Variants in EHBP1 observed in about 807,000 individuals in gnomAD.
EHBP1 encodes EH domain-binding protein 1.
EHBP1 carries 55 observed loss-of-function variants against 144.0 expected under a neutral mutation model. The ratio of observed to expected loss-of-function variants is 0.38; its 90% CI spans 0.31 to 0.48. The LOEUF (loss-of-function observed/expected upper bound fraction) is 0.48. Among genes scored for constraint, EHBP1 ranks in the 20% least tolerant of loss-of-function variants. EHBP1 has a pLI of 0.98. For synonymous variants in EHBP1, 469 were observed against 472.7 expected, an observed-to-expected ratio of 0.99 and a Z score of 0.10; for missense variants, 1,200 against 1,364.2, an observed-to-expected ratio of 0.88 and a Z score of 1.90.
rs71410972 is a variant in EHBP1 at position 62,894,927 on chromosome 2, A to AGAGAGAGAG, written c.1185+20395_1185+20396insGAGAGAGAG. 6.6e-3 allele frequency among the ~76,000 whole-genome samples: 935 copies of AGAGAGAGAG among 141,194 alleles called. 12 individuals carry two copies. The highest frequency in any genetic ancestry group is 0.012 in the Admixed American group (167 of 14,038). 92.6% of individuals were successfully genotyped at this position (141,194 alleles called of 152,430 possible). A position where few individuals can be genotyped will look rare whatever the true frequency, so the allele number is the denominator to read the frequency against. ...CAAGACCCTAGCAAAAACAGAAAGA[A>AGAGAGAGAG]AGAGAGAGAGAGAGAGAGAGAGAGA... is the stretch of plus-strand genomic sequence containing the variant. On this transcript the variant is annotated intron_variant, in intron 10 of 22. Coordinates refer to ENST00000431489, the MANE Select transcript of EHBP1 (RefSeq NM_001142616.3).
At chr2:62,735,076 G>A (rs1036380377) in intron 2 of EHBP1, among the ~76,000 whole-genome samples, 1 of 152,118 alleles carries the variant, frequency 6.6e-6, no homozygotes, top group Non-Finnish European at 1.5e-5. Context: ...TAAATTATTT[G>A]TAGAGACGAG....
At chr2:62,989,126 A>C (rs752515404) in intron 15 of EHBP1, among the ~76,000 whole-genome samples, 8 of 152,132 alleles carry the variant, frequency 5.3e-5, no homozygotes, top group Non-Finnish European at 1.2e-4. Flanking sequence ...AAAACTTTTA[A>C]ATGTTTAACC....
At chr2:62,844,933 G>A (rs961487815) in intron 7 of EHBP1, among the ~76,000 whole-genome samples, 12 of 152,058 alleles carry the variant, frequency 7.9e-5, no homozygotes, top group African/African-American at 2.9e-4. Context: ...TGCCAGCAGG[G>A]TATTCCTTTT....
intron 3 of EHBP1, among the ~76,000 whole-genome samples, chr2:62,750,044 A>G (rs1481680077): frequency 2.0e-5 from 3 of 152,224 alleles, no homozygotes; most frequent in Non-Finnish European, 4.4e-5. Flanking sequence ...TGTTTTAGAC[A>G]TGAAGTCCTT....
At chr2:63,008,108 C>A (rs1015156898) in intron 19 of EHBP1, among the ~76,000 whole-genome samples, 5 of 151,496 alleles carry the variant, frequency 3.3e-5, no homozygotes, top group African/African-American at 1.2e-4. Context: ...GCCACATCTA[C>A]AAAGTTTTAC....
intron 2 of EHBP1, among the ~76,000 whole-genome samples, chr2:62,725,073 A>C (rs2036622811): frequency 6.6e-6 from 1 of 152,180 alleles, no homozygotes; most frequent in African/African-American, 2.4e-5. Context: ...CTCAGCTCCC[A>C]ACTCCTGGAC....
At chr2:62,854,774 A>G (rs2048917695) in intron 7 of EHBP1, among the ~76,000 whole-genome samples, 1 of 152,164 alleles carries the variant, frequency 6.6e-6, no homozygotes. Flanking sequence ...GGCCGTCTGG[A>G]GTGGTGGCTG....
chr2:62,690,162 A>C (rs1417587412), intron 1 of EHBP1, among the ~76,000 whole-genome samples: 1 of 152,212 alleles, frequency 6.6e-6, no homozygotes, highest in Non-Finnish European at 1.5e-5. Context: ...GCAGCATAGC[A>C]CTTAGCAGAC....
intron 14 of EHBP1, among the ~76,000 whole-genome samples, chr2:62,957,649 T>TTTTTTTTTTTTTTC (rs2057773708): frequency 7.8e-6 from 1 of 128,022 alleles, no homozygotes; most frequent in African/African-American, 3.1e-5. Context: ...TGCTTTTTTT[T>TTTTTTTTTTTTTTC]TTTTTTTTTT....
At chr2:62,915,444 A>G (rs2054534141) in intron 10 of EHBP1, among the ~76,000 whole-genome samples, 1 of 152,120 alleles carries the variant, frequency 6.6e-6, no homozygotes, top group Non-Finnish European at 1.5e-5. Context: ...ATCCCATTTT[A>G]TATGGATTTT....
At chr2:62,753,477 GTC>G (rs1268739934) in intron 3 of EHBP1, among the ~76,000 whole-genome samples, 2 of 152,000 alleles carry the variant, frequency 1.3e-5, no homozygotes, top group Non-Finnish European at 2.9e-5. Context: ...ACAATTATAT[GTC>G]TTGGAGTTGC....
Position 62,949,119 on chromosome 2 carries a change from G to A in EHBP1, c.2273G>A (p.Arg758Lys), listed in dbSNP as rs370506762. 8.2e-6 allele frequency: 13 copies of A among 1,582,614 alleles called. No homozygotes were observed. In the African/African-American group the frequency reaches 1.8e-4, roughly 22 times the overall value. ...ACGGAGTCTGATCCAGATGCTGATA[G>A]AACCACTTTAAATCATGCAGATCAT... Reference protein sequence around the residue: ...RQTESDPDADRTTLNHADHSS... With the variant: ...RQTESDPDADKTTLNHADHSS... Residue 758 changes from arginine (R) to lysine (K), a missense_variant, in exon 13 of 23, where the codon AGA becomes AAA. Coordinates refer to ENST00000431489, the MANE Select transcript of EHBP1 (RefSeq NM_001142616.3).
chr2:62,847,962 G>T (rs2048409546), intron 7 of EHBP1, among the ~76,000 whole-genome samples: 1 of 151,726 alleles, frequency 6.6e-6, no homozygotes, highest in Non-Finnish European at 1.5e-5. Context: ...ATATCTACTA[G>T]AATGGTTAAA....
intron 19 of EHBP1, among the ~76,000 whole-genome samples, chr2:63,012,350 C>T (rs1004394434): frequency 1.3e-5 from 2 of 152,044 alleles, no homozygotes; most frequent in Non-Finnish European, 1.5e-5. Flanking sequence ...ATCTCACTCA[C>T]TGCTCTTTAG....
intron 10 of EHBP1, among the ~76,000 whole-genome samples, chr2:62,916,774 A>C (rs2054649741): frequency 6.7e-6 from 1 of 149,354 alleles, no homozygotes; most frequent in African/African-American, 2.4e-5. Context: ...TGTGTATGTT[A>C]TTGTATATAT....
intron 5 of EHBP1, among the ~76,000 whole-genome samples, chr2:62,818,096 C>T (rs76871788): frequency 6.6e-6 from 1 of 151,434 alleles, no homozygotes. Context: ...ATTAAAAAAA[C>T]TTTTTAAATG....
intron 1 of EHBP1, among the ~76,000 whole-genome samples, chr2:62,678,087 A>G (rs2033374788): frequency 6.6e-6 from 1 of 152,162 alleles, no homozygotes; most frequent in Admixed American, 6.5e-5. Context: ...GTACTCATTT[A>G]TGTTCCCACC....
chr2:62,808,753 G>A (rs1227350974), intron 5 of EHBP1, among the ~76,000 whole-genome samples: 2 of 152,046 alleles, frequency 1.3e-5, no homozygotes, highest in African/African-American at 2.4e-5. Flanking sequence ...GTAATGTGAT[G>A]GTAAGGTGTG....
intron 1 of EHBP1, among the ~76,000 whole-genome samples, chr2:62,675,923 T>G (rs1423879225): frequency 6.6e-6 from 1 of 152,152 alleles, no homozygotes; most frequent in Non-Finnish European, 1.5e-5. Flanking sequence ...CCACAAGTTT[T>G]TTTTTATTTT....
Sources: allele counts gnomAD v4.1 joint callset (sites outside exome capture counted in the v4.1 genomes callset), GRCh38; gene constraint gnomAD v4.1.1; transcripts MANE v1.5; gene names NCBI Gene and HGNC (gene_info 2026-07-23, HGNC 2026-07-21).